Variants in HERC6 observed in about 807,000 individuals in gnomAD.
The protein encoded by HERC6 is probable E3 ubiquitin-protein ligase HERC6.
A neutral mutation model predicts 114.5 loss-of-function variants in HERC6; 101 were observed. That is an observed-to-expected ratio of 0.88 (90% CI 0.75 to 1.04). The LOEUF is 1.04. Among genes scored for constraint, HERC6 ranks in the 50% least tolerant of loss-of-function variants. HERC6 has a pLI of 0.00. For missense variants in HERC6, 1,133 were observed against 1,230.9 expected, an observed-to-expected ratio of 0.92 and a Z score of 1.19; for synonymous variants, 408 against 436.2, an observed-to-expected ratio of 0.94 and a Z score of 0.81.
intron 2 of HERC6, among the ~76,000 whole-genome samples, chr4:88,383,643 A>G (rs1483483018): frequency 6.6e-6 from 1 of 151,710 alleles, no homozygotes; most frequent in African/African-American, 2.4e-5. Context: ...GGCACCCGCA[A>G]TCCCAACTAC....
chr4:88,437,109 T>C (rs1377530546), intron 19 of HERC6, 138 bp downstream of exon 19: 6 of 577,298 alleles, frequency 1.0e-5, no homozygotes, highest in African/African-American at 9.8e-5. Flanking sequence ...CAGGTTGGAG[T>C]ACAATGGCGC....
At chr4:88,395,360 A>C (rs1328854636) in intron 5 of HERC6, among the ~76,000 whole-genome samples, 2 of 152,180 alleles carry the variant, frequency 1.3e-5, no homozygotes, top group African/African-American at 2.4e-5. Flanking sequence ...CTCTTGAACC[A>C]GTTAATTTAT....
chr4:88,436,799 A>G (rs1050347864), intron 18 of HERC6, 106 bp from the exon 19 acceptor site: 2 of 676,392 alleles, frequency 3.0e-6, no homozygotes, highest in African/African-American at 1.9e-5. Flanking sequence ...AATTTATATT[A>G]TATTTTATAC....
chr4:88,378,936 G>A lies in HERC6; in HGVS notation c.15G>A (p.Trp5Ter), dbSNP rs1328755085. The A allele has an allele frequency of 6.3e-7, 1 of 1,593,516 alleles. No individual in the cohort carries two copies. Among genetic ancestry groups the A allele is most frequent in the Non-Finnish European group, 8.5e-7 (1 of 1,170,958 alleles). Reference sequence around the variant, plus strand: ...GCAGAAGCGGGATGTACTTCTGTTGGGGCGCCGACTCCAGGGAGCTGCAGC... The same window carrying A: ...GCAGAAGCGGGATGTACTTCTGTTGAGGCGCCGACTCCAGGGAGCTGCAGC... MYFC[W>*]GADSRELQRR... The change falls in exon 1 of 23, where the codon TGG (tryptophan) becomes TGA (stop). Residue 5 changes from tryptophan (W) to a stop codon, truncating the protein, a stop_gained. Coordinates refer to ENST00000264346, the MANE Select transcript of HERC6 (RefSeq NM_017912.4). LOFTEE classifies it high-confidence loss of function.
rs532205440 is a variant in HERC6 at position 88,391,914 on chromosome 4, T to TCTTTA, written c.664+1039_664+1040insACTTT. On this transcript the variant is annotated intron_variant, in intron 4 of 22. Transcript: ENST00000264346. ...ACCATTTCAGCATTAGCTAAGTTTT[T>TCTTTA]CTTTCCTTTCCTTTCCTTTTCCTTT... 5.2e-3 allele frequency among the ~76,000 whole-genome samples: 791 copies of TCTTTA among 151,886 alleles called. 4 individuals carry two copies. The highest frequency in any genetic ancestry group is 7.9e-3 in the Non-Finnish European group (537 of 67,928).
Position 88,439,855 on chromosome 4 carries a change from TTTTTTTG to T in HERC6, c.2556-18_2556-12del. On this transcript the variant is annotated splice_polypyrimidine_tract_variant and intron_variant, in intron 20 of 22. Coordinates refer to ENST00000264346, the MANE Select transcript of HERC6 (RefSeq NM_017912.4). ...TTTCCTTCCTTTCTTTTTTTTTTTT[TTTTTTTG>T]CTTCCCTCAAGGAGAGACTATGTTT... is the stretch of plus-strand genomic sequence containing the variant. 7.5e-7 allele frequency: 1 copy of T among 1,339,308 alleles called. No individual in the cohort carries two copies. Among genetic ancestry groups the T allele is most frequent in the Non-Finnish European group, 9.6e-7 (1 of 1,041,588 alleles). 83.0% of individuals were successfully genotyped at this position (1,339,308 alleles called of 1,614,324 possible).
rs1735362895 is a variant in HERC6, at chr4:88,398,418, C to T, written c.1092+209C>T. The stretch of plus-strand genomic sequence containing the variant: ...ACAGATTAGACCCCCCCACCACCAC[C>T]ATTTCAGATTTATTTTTTCTTTATG... On this transcript the variant is annotated intron_variant, in intron 8 of 22. Coordinates refer to ENST00000264346, the MANE Select transcript of HERC6 (RefSeq NM_017912.4). 1.0e-5 allele frequency: 4 copies of T among 401,032 alleles called. No individual in the cohort carries two copies. The South Asian group carries it at 2.6e-4, about 27-fold the overall frequency. The allele number at this position is 401,032 out of a possible 1,614,324, so 24.8% of individuals were successfully genotyped here. A position where few individuals can be genotyped will look rare whatever the true frequency, so the allele number is the denominator to read the frequency against.
At chr4:88,414,142 T>C (rs549125544) in intron 12 of HERC6, among the ~76,000 whole-genome samples, 2 of 152,184 alleles carry the variant, frequency 1.3e-5, no homozygotes, top group Non-Finnish European at 2.9e-5. Context: ...CAGGGTGCCA[T>C]ATTTTGGGGC....
intron 22 of HERC6, chr4:88,440,486 G>T: frequency 2.3e-6 from 1 of 442,500 alleles, no homozygotes; most frequent in African/African-American, 2.0e-5. Context: ...CCAGAAAAAT[G>T]AGTTGCTGAT....
intron 9 of HERC6, 88 bp from the exon 10 acceptor site, chr4:88,405,466 C>T (rs1237383241): frequency 1.8e-5 from 11 of 596,176 alleles, no homozygotes; most frequent in Non-Finnish European, 3.1e-5. Context: ...TATTCCACGT[C>T]ATCATTTACT....
intron 2 of HERC6, among the ~76,000 whole-genome samples, chr4:88,383,952 G>A (rs1560531932): frequency 6.6e-6 from 1 of 151,854 alleles, no homozygotes; most frequent in South Asian, 2.1e-4. Flanking sequence ...TAACTGTGGG[G>A]GCCAACTTAG....
intron 18 of HERC6, among the ~76,000 whole-genome samples, chr4:88,436,255 T>G (rs576931017): frequency 1.3e-5 from 2 of 152,276 alleles, no homozygotes; most frequent in East Asian, 3.9e-4. Flanking sequence ...ATAAAAAAAC[T>G]GAAAATATGC....
chr4:88,417,804 G>T (rs1343601212), intron 13 of HERC6, among the ~76,000 whole-genome samples: 1 of 152,094 alleles, frequency 6.6e-6, no homozygotes, highest in African/African-American at 2.4e-5. Flanking sequence ...CTTTCATTAA[G>T]AAAAAGTACA....
chr4:88,413,750 A>G (rs562686989), intron 12 of HERC6, among the ~76,000 whole-genome samples: 14 of 152,288 alleles, frequency 9.2e-5, no homozygotes, highest in South Asian at 2.1e-4. Flanking sequence ...CAATAACCCA[A>G]TGGGGTCCAG....
intron 10 of HERC6, among the ~76,000 whole-genome samples, chr4:88,406,753 A>ATTATTTAT (rs968260913): frequency 6.6e-5 from 10 of 151,888 alleles, no homozygotes; most frequent in African/African-American, 1.9e-4. Context: ...TTGTTTTTTT[A>ATTATTTAT]TTATTTATTT....
At chr4:88,382,410 T>A (rs941742609) in intron 1 of HERC6, among the ~76,000 whole-genome samples, 1 of 152,134 alleles carries the variant, frequency 6.6e-6, no homozygotes, top group Admixed American at 6.6e-5. Flanking sequence ...TGAGGTAGGC[T>A]CCCTTCCAAT....
At chr4:88,413,970 G>A (rs867237415) in intron 12 of HERC6, among the ~76,000 whole-genome samples, 31 of 152,236 alleles carry the variant, frequency 2.0e-4, no homozygotes, top group Middle Eastern at 3.4e-3. Flanking sequence ...TTCCTCAGTC[G>A]TCTTGTCTGT....
chr4:88,418,476 C>T (rs1736718603), intron 13 of HERC6, among the ~76,000 whole-genome samples: 1 of 152,186 alleles, frequency 6.6e-6, no homozygotes, highest in African/African-American at 2.4e-5. Flanking sequence ...TCTGTGCTGC[C>T]TCCCATCTCT....
intron 22 of HERC6, among the ~76,000 whole-genome samples, chr4:88,441,355 C>G (rs954622785): frequency 5.9e-5 from 9 of 152,212 alleles, no homozygotes; most frequent in African/African-American, 1.9e-4. Context: ...TTTTTCCTAA[C>G]AGCAACCCTA....
Sources: gnomAD v4.1 joint callset for allele counts (sites outside exome capture counted in the v4.1 genomes callset) on GRCh38, gnomAD v4.1.1 for gene constraint, MANE v1.5 for transcripts, NCBI Gene and HGNC (gene_info 2026-07-23, HGNC 2026-07-21) for gene names.